The following NKAIN2 variants were observed in gnomAD, a reference collection of about 807,000 sequenced individuals.
NKAIN2 encodes the protein sodium/potassium transporting ATPase interacting 2.
Under a neutral mutation model 32.6 loss-of-function variants are expected in NKAIN2, and 14 were observed. That is an observed-to-expected ratio of 0.43 (90% CI 0.28 to 0.67). The LOEUF (loss-of-function observed/expected upper bound fraction) is 0.67. NKAIN2 is among the 30% of genes least tolerant of loss of function. The pLI is 0.17. For synonymous variants in NKAIN2, 80 were observed against 87.2 expected, an observed-to-expected ratio of 0.92 and a Z score of 0.46; for missense variants, 198 against 258.3, an observed-to-expected ratio of 0.77 and a Z score of 1.60.
intron 3 of NKAIN2, among the ~76,000 whole-genome samples, chr6:124,593,482 C>T (rs1185502546): frequency 6.6e-6 from 1 of 152,132 alleles, no homozygotes; most frequent in African/African-American, 2.4e-5. Flanking sequence ...CTTCCTTCTC[C>T]TCCCCTCCAT....
chr6:124,181,993 C>A (rs1331329586), intron 1 of NKAIN2, among the ~76,000 whole-genome samples: 1 of 152,074 alleles, frequency 6.6e-6, no homozygotes, highest in Admixed American at 6.5e-5. Flanking sequence ...TTAGTCTGTT[C>A]TCTAATAAAG....
At chr6:123,895,363 C>T (rs1432030675) in intron 1 of NKAIN2, among the ~76,000 whole-genome samples, 1 of 152,152 alleles carries the variant, frequency 6.6e-6, no homozygotes, top group African/African-American at 2.4e-5. Flanking sequence ...TTGGGTCCCT[C>T]CAAATTTTGT....
At chr6:124,648,049 C>A (rs1784242328) in intron 3 of NKAIN2, among the ~76,000 whole-genome samples, 1 of 152,132 alleles carries the variant, frequency 6.6e-6, no homozygotes, top group African/African-American at 2.4e-5. Context: ...ACATCATCTC[C>A]AAGTAAAACA....
intron 3 of NKAIN2, among the ~76,000 whole-genome samples, chr6:124,466,008 A>G (rs1776738665): frequency 6.6e-6 from 1 of 152,132 alleles, no homozygotes. Flanking sequence ...CACATGTATC[A>G]ATATTTTTTT....
chr6:124,783,122 CTGAG>C (rs1180577403), intron 4 of NKAIN2, among the ~76,000 whole-genome samples: 5 of 152,130 alleles, frequency 3.3e-5, no homozygotes, highest in Non-Finnish European at 7.4e-5. Context: ...TATGTAAACC[CTGAG>C]AGAGGTATTA....
intron 1 of NKAIN2, among the ~76,000 whole-genome samples, chr6:124,121,189 A>G (rs540686755): frequency 3.4e-4 from 52 of 152,248 alleles, no homozygotes; most frequent in African/African-American, 1.2e-3. Flanking sequence ...CATCTTGTGT[A>G]TAATGTTGCC....
intron 1 of NKAIN2, among the ~76,000 whole-genome samples, chr6:124,130,244 C>T (rs989660519): frequency 4.6e-5 from 7 of 152,106 alleles, no homozygotes; most frequent in African/African-American, 1.7e-4. Flanking sequence ...ACAAAAGCAC[C>T]AGAGATCTGC....
intron 4 of NKAIN2, among the ~76,000 whole-genome samples, chr6:124,726,231 C>T (rs983262257): frequency 1.3e-3 from 190 of 150,624 alleles, no homozygotes; most frequent in African/African-American, 4.5e-3. Context: ...CTGCCTGCCT[C>T]TGTAGGCTCC....
At chr6:124,113,345 T>C (rs1785469998) in intron 1 of NKAIN2, among the ~76,000 whole-genome samples, 1 of 152,192 alleles carries the variant, frequency 6.6e-6, no homozygotes, top group South Asian at 2.1e-4. Flanking sequence ...GCTTCAGGAC[T>C]CACAAGGCAG....
intron 3 of NKAIN2, among the ~76,000 whole-genome samples, chr6:124,398,707 G>T (rs956282568): frequency 6.6e-6 from 1 of 152,108 alleles, no homozygotes; most frequent in African/African-American, 2.4e-5. Flanking sequence ...AGGTGAGTAC[G>T]GTGTTACAAT....
At chr6:123,866,488 T>C (rs1772521095) in intron 1 of NKAIN2, among the ~76,000 whole-genome samples, 2 of 152,076 alleles carry the variant, frequency 1.3e-5, no homozygotes, top group Admixed American at 1.3e-4. Flanking sequence ...TGGAGTGCGG[T>C]GGTGCGATCT....
chr6:124,565,008 G>A (rs887029510), intron 3 of NKAIN2, among the ~76,000 whole-genome samples: 1 of 151,744 alleles, frequency 6.6e-6, no homozygotes. Context: ...TTTTATCAGT[G>A]TATGTTAAAG....
At chr6:124,086,907 C>T (rs1784212928) in intron 1 of NKAIN2, among the ~76,000 whole-genome samples, 1 of 151,732 alleles carries the variant, frequency 6.6e-6, no homozygotes, top group African/African-American at 2.4e-5. Context: ...AGAGAGAATA[C>T]TTCTCAAGTC....
chr6:124,275,099 A>C (rs113052540), intron 1 of NKAIN2, among the ~76,000 whole-genome samples: 2 of 152,116 alleles, frequency 1.3e-5, no homozygotes, highest in African/African-American at 4.8e-5. Context: ...TTTTGATAGC[A>C]TGAGTATTAA....
chr6:124,324,474 T>C (rs181165149), intron 2 of NKAIN2, among the ~76,000 whole-genome samples: 4 of 152,222 alleles, frequency 2.6e-5, no homozygotes, highest in Non-Finnish European at 5.9e-5. Context: ...ATATTTCTAA[T>C]TTTTTTGTGA....
chr6:123,850,652 T>C lies in NKAIN2; in HGVS notation c.54+46398T>C, dbSNP rs948406667. Among the ~76,000 whole-genome samples, 5 of 152,232 alleles carry C rather than the reference T, an allele frequency of 3.3e-5. No homozygotes were observed. The East Asian group carries it at 5.8e-4, about 18-fold the overall frequency. ...AAATAAACATTGCATTTATTTATTATGTACAACTTATTTTGAAATATGCAG... is the reference window on the plus strand; with the variant it reads ...AAATAAACATTGCATTTATTTATTACGTACAACTTATTTTGAAATATGCAG... On this transcript the variant is annotated intron_variant, in intron 1 of 6. Transcript: ENST00000368417.
chr6:124,274,199 C>A (rs961952473), intron 1 of NKAIN2, among the ~76,000 whole-genome samples: 3 of 152,238 alleles, frequency 2.0e-5, no homozygotes, highest in South Asian at 4.1e-4. Flanking sequence ...TAGAAACTTT[C>A]AGTTCATGTT....
chr6:124,201,307 T>G (rs1000677127), intron 1 of NKAIN2, among the ~76,000 whole-genome samples: 1 of 151,980 alleles, frequency 6.6e-6, no homozygotes, highest in Non-Finnish European at 1.5e-5. Flanking sequence ...AAATATGCAT[T>G]AATGGTTCTC....
chr6:124,027,844 A>G (rs1182127013), intron 1 of NKAIN2, among the ~76,000 whole-genome samples: 8 of 152,148 alleles, frequency 5.3e-5, no homozygotes, highest in Non-Finnish European at 1.2e-4. Flanking sequence ...CATTCTTTGC[A>G]CTTCAGTTAA....
Sources: allele counts gnomAD v4.1 joint callset (sites outside exome capture counted in the v4.1 genomes callset), GRCh38; gene constraint gnomAD v4.1.1; transcripts MANE v1.5; gene names NCBI Gene and HGNC (gene_info 2026-07-23, HGNC 2026-07-21).